The following RBFOX1 variants were observed in gnomAD, a reference collection of about 807,000 sequenced individuals.
RBFOX1 encodes RNA binding fox-1 homolog 1.
Under a neutral mutation model 57.7 loss-of-function variants are expected in RBFOX1, and 8 were observed. That is an observed-to-expected ratio of 0.14 (90% CI 0.08 to 0.25). The LOEUF (loss-of-function observed/expected upper bound fraction) is 0.25, where lower values mean the gene tolerates loss of function less well. Ranked by LOEUF, RBFOX1 falls within the 10% of genes least tolerant of loss-of-function variation. The pLI is 1.00. For synonymous variants in RBFOX1, 326 were observed against 222.4 expected (o/e 1.47, Z -4.15); for missense variants, 611 against 548.5 (o/e 1.11, Z -1.14).
intron 3 of RBFOX1, among the ~76,000 whole-genome samples, chr16:5,778,553 C>G (rs1335295702): frequency 6.6e-6 from 1 of 152,210 alleles, no homozygotes; most frequent in Non-Finnish European, 1.5e-5. Context: ...CTGGTTCAAC[C>G]TGCTCTGAGA....
At chr16:6,796,946 A>T (rs1183365405) in intron 3 of RBFOX1, among the ~76,000 whole-genome samples, 1 of 152,148 alleles carries the variant, frequency 6.6e-6, no homozygotes, top group Non-Finnish European at 1.5e-5. Context: ...ATCATTGAGT[A>T]CTAGGAGAGA....
At chr16:5,506,791 G>A (rs1020545381) in intron 2 of RBFOX1, among the ~76,000 whole-genome samples, 46 of 152,100 alleles carry the variant, frequency 3.0e-4, no homozygotes, top group African/African-American at 1.1e-3. Context: ...TGTTGGGTAC[G>A]ACCACTGGGT....
intron 3 of RBFOX1, among the ~76,000 whole-genome samples, chr16:6,829,257 AAAAT>A (rs1266437944): frequency 6.6e-6 from 1 of 152,126 alleles, no homozygotes; most frequent in Admixed American, 6.5e-5. Context: ...AAAAAAAAAA[AAAAT>A]AGCATAAAAG....
intron 1 of RBFOX1, among the ~76,000 whole-genome samples, chr16:5,417,552 C>T (rs1024433664): frequency 6.6e-6 from 1 of 152,098 alleles, no homozygotes; most frequent in Non-Finnish European, 1.5e-5. Context: ...GGATTTCTTA[C>T]CCCTGGCTTA....
intron 1 of RBFOX1, among the ~76,000 whole-genome samples, chr16:6,311,174 T>C (rs2080247055): frequency 6.6e-6 from 1 of 151,102 alleles, no homozygotes; most frequent in Non-Finnish European, 1.5e-5. Flanking sequence ...TGGGCACCTG[T>C]AATCCCAGCT....
At chr16:7,322,419 C>G (rs2143109900) in intron 4 of RBFOX1, among the ~76,000 whole-genome samples, 1 of 152,370 alleles carries the variant, frequency 6.6e-6, no homozygotes, top group Admixed American at 6.5e-5. Flanking sequence ...CACGTGAAAA[C>G]AGCCATCCAA....
intron 3 of RBFOX1, among the ~76,000 whole-genome samples, chr16:6,995,290 T>TTGTGTGTGTGTGTGTG (rs57039390): frequency 6.0e-4 from 83 of 138,410 alleles, no homozygotes; most frequent in African/African-American, 1.2e-3. Flanking sequence ...GAAAGTAGCC[T>TTGTGTGTGTGTGTGTG]TGTGTGTGTG....
At chr16:6,008,722 T>C (rs1321960213) in intron 4 of RBFOX1, among the ~76,000 whole-genome samples, 1 of 152,196 alleles carries the variant, frequency 6.6e-6, no homozygotes, top group Non-Finnish European at 1.5e-5. Context: ...GCGTTTAGCC[T>C]TGGCACAAAG....
At chr16:6,768,338 C>CA (rs1436514018) in intron 3 of RBFOX1, among the ~76,000 whole-genome samples, 2 of 148,656 alleles carry the variant, frequency 1.3e-5, no homozygotes, top group Non-Finnish European at 3.0e-5. Flanking sequence ...AAAAGTATTT[C>CA]AAAAATTTTT....
rs2077402386 is a variant in RBFOX1, at chr16:6,290,908, G to GT, written c.-126-26086dup. Among the ~76,000 whole-genome samples, 5 of 152,296 alleles carry GT rather than the reference G, an allele frequency of 3.3e-5. No individual in the cohort carries two copies. The South Asian group carries it at 1.0e-3, about 32-fold the overall frequency. On this transcript the variant is annotated intron_variant, in intron 1 of 15. Transcript: ENST00000550418. ...AAGTGAAAGCAAGTTTATTAAGAGA[G>GT]TAGAGGAATAAAAGAATGGCTACTC...
intron 1 of RBFOX1, among the ~76,000 whole-genome samples, chr16:5,292,954 A>C (rs1284480597): frequency 1.3e-5 from 2 of 151,840 alleles, no homozygotes; most frequent in African/African-American, 2.4e-5. Flanking sequence ...ATTTCTCTCA[A>C]ATTAACTCCG....
chr16:7,006,251 T>C (rs1196346837), intron 3 of RBFOX1, among the ~76,000 whole-genome samples: 4 of 152,028 alleles, frequency 2.6e-5, no homozygotes, highest in Non-Finnish European at 5.9e-5. Flanking sequence ...GCCTCCGAGG[T>C]CCAAGCGATT....
At chr16:6,367,131 G>T (rs1230241266) in intron 2 of RBFOX1, among the ~76,000 whole-genome samples, 1 of 152,200 alleles carries the variant, frequency 6.6e-6, no homozygotes, top group African/African-American at 2.4e-5. Context: ...GATAAAACTA[G>T]GGCAAAATGA....
intron 2 of RBFOX1, among the ~76,000 whole-genome samples, chr16:6,422,229 CT>C (rs771957311): frequency 0.015 from 2,101 of 142,212 alleles, 17 homozygotes; most frequent in East Asian, 0.046. Flanking sequence ...ACCACCTCTC[CT>C]TTTTTTTTTT....
At chr16:6,511,078 T>G (rs2096246772) in intron 2 of RBFOX1, among the ~76,000 whole-genome samples, 1 of 152,064 alleles carries the variant, frequency 6.6e-6, no homozygotes, top group Admixed American at 6.6e-5. Flanking sequence ...ACCATTGAGG[T>G]AGCGTGGATC....
intron 14 of RBFOX1, among the ~76,000 whole-genome samples, chr16:7,678,859 C>T (rs944396206): frequency 2.6e-5 from 4 of 152,130 alleles, no homozygotes; most frequent in African/African-American, 9.7e-5. Context: ...TGAAAGATTG[C>T]CCTTGTTCTT....
intron 3 of RBFOX1, among the ~76,000 whole-genome samples, chr16:5,745,019 G>T (rs1567480688): frequency 6.6e-6 from 1 of 152,048 alleles, no homozygotes; most frequent in African/African-American, 2.4e-5. Context: ...ATGTATACGT[G>T]TGCCCTGTTG....
intron 3 of RBFOX1, among the ~76,000 whole-genome samples, chr16:5,746,041 A>G (rs1489300222): frequency 6.6e-6 from 1 of 152,216 alleles, no homozygotes. Flanking sequence ...GGTAATGCCT[A>G]GGTTTTCTTG....
In RBFOX1 at chr16:7,708,287, G is replaced by C. The variant is rs565531829; in HGVS notation, c.996-769G>C. 1.8e-4 allele frequency among the ~76,000 whole-genome samples: 28 copies of C among 152,266 alleles called. 1 individual carries two copies. In the East Asian group the frequency reaches 5.4e-3, roughly 29 times the overall value. On this transcript the variant is annotated intron_variant, in intron 14 of 15. Coordinates refer to ENST00000550418, the MANE Select transcript of RBFOX1 (RefSeq NM_018723.4). Reference sequence around the variant, plus strand: ...CTTCCAGATATTTAGTAGGCATTCAGCACGTTTGGTTTCCATCTCTTCTCC... The same window carrying C: ...CTTCCAGATATTTAGTAGGCATTCACCACGTTTGGTTTCCATCTCTTCTCC...
Sources: gnomAD v4.1 joint callset for allele counts (sites outside exome capture counted in the v4.1 genomes callset) on GRCh38, gnomAD v4.1.1 for gene constraint, MANE v1.5 for transcripts, NCBI Gene and HGNC (gene_info 2026-07-23, HGNC 2026-07-21) for gene names.